GALNT13: variants seen among roughly 807,000 people sequenced by gnomAD.
GALNT13 encodes polypeptide N-acetylgalactosaminyltransferase 13.
A neutral mutation model predicts 64.2 loss-of-function variants in GALNT13; 28 were observed. The observed-to-expected ratio is 0.44, with a 90% confidence interval of 0.32 to 0.60. The LOEUF (loss-of-function observed/expected upper bound fraction) is 0.60. GALNT13 is among the 20% of genes least tolerant of loss of function. The pLI, the probability that GALNT13 is intolerant of heterozygous loss-of-function variation, is 0.05. For missense variants in GALNT13, 577 were observed against 669.8 expected (o/e 0.86, Z 1.53); for synonymous variants, 214 against 224.6 (o/e 0.95, Z 0.42).
intron 3 of GALNT13, among the ~76,000 whole-genome samples, chr2:154,027,412 A>G (rs1698048203): frequency 6.6e-6 from 1 of 152,186 alleles, no homozygotes; most frequent in African/African-American, 2.4e-5. Flanking sequence ...TTTTTAAAAA[A>G]TGATCCCTGA....
At chr2:154,093,857 A>G (rs1009023002) in intron 3 of GALNT13, among the ~76,000 whole-genome samples, 2 of 151,648 alleles carry the variant, frequency 1.3e-5, no homozygotes, top group Non-Finnish European at 2.9e-5. Flanking sequence ...TGCTCTAAGT[A>G]TATTCTCCCT....
chr2:154,174,761 A>G (rs1290988056), intron 4 of GALNT13, among the ~76,000 whole-genome samples: 2 of 152,186 alleles, frequency 1.3e-5, no homozygotes, highest in Admixed American at 6.5e-5. Context: ...TGAAAATTCA[A>G]ATCAACTACG....
chr2:153,167,859 AG>A, the GALNT13 span, among the ~76,000 whole-genome samples: 1 of 152,228 alleles, frequency 6.6e-6, no homozygotes, highest in Non-Finnish European at 1.5e-5. Flanking sequence ...TGTCCAGGAA[AG>A]GAACAAAGAG....
chr2:153,479,864 C>T, the GALNT13 span, among the ~76,000 whole-genome samples: 2 of 152,170 alleles, frequency 1.3e-5, no homozygotes, highest in African/African-American at 4.8e-5. Flanking sequence ...AGTTTCTTAA[C>T]TCTGAAAGAA....
the GALNT13 span, among the ~76,000 whole-genome samples, chr2:153,549,891 A>T: frequency 1.3e-5 from 2 of 152,270 alleles, no homozygotes; most frequent in South Asian, 4.1e-4. Context: ...TGTCTTCTTT[A>T]TATCCTCCTT....
the GALNT13 span, among the ~76,000 whole-genome samples, chr2:153,156,001 A>T: frequency 6.6e-6 from 1 of 152,300 alleles, no homozygotes; most frequent in East Asian, 1.9e-4. Flanking sequence ...CCCAAAAGTC[A>T]TTCAGGAGTA....
the GALNT13 span, among the ~76,000 whole-genome samples, chr2:153,825,633 T>C: frequency 6.6e-6 from 1 of 151,304 alleles, no homozygotes; most frequent in Non-Finnish European, 1.5e-5. Context: ...TGTGTGTGTG[T>C]GTGTGTGTGT....
the GALNT13 span, among the ~76,000 whole-genome samples, chr2:153,303,234 T>G: frequency 2.2e-4 from 33 of 152,248 alleles, no homozygotes; most frequent in African/African-American, 7.9e-4. Flanking sequence ...TGTTTTATAT[T>G]TTTTAGTGTA....
the GALNT13 span, among the ~76,000 whole-genome samples, chr2:153,307,251 G>A: frequency 3.3e-5 from 5 of 152,148 alleles, 1 homozygote; most frequent in East Asian, 7.7e-4. Flanking sequence ...GGTTAGCTCT[G>A]AAATTGTTAA....
chr2:154,295,856 T>G (rs1235562137), intron 8 of GALNT13, among the ~76,000 whole-genome samples: 1 of 152,098 alleles, frequency 6.6e-6, no homozygotes, highest in African/African-American at 2.4e-5. Flanking sequence ...CGGCAGGTCT[T>G]TTCTGATAAG....
chr2:153,703,947 T>C, the GALNT13 span, among the ~76,000 whole-genome samples: 7 of 152,122 alleles, frequency 4.6e-5, no homozygotes, highest in Non-Finnish European at 8.8e-5. Context: ...CCTTCCCAGA[T>C]GAAAATTTCT....
intron 1 of GALNT13, among the ~76,000 whole-genome samples, chr2:153,894,136 C>T (rs1422150800): frequency 6.6e-6 from 1 of 151,930 alleles, no homozygotes; most frequent in Non-Finnish European, 1.5e-5. Context: ...TGGCTGGTGA[C>T]TGCTTGGAAC....
intron 9 of GALNT13, among the ~76,000 whole-genome samples, chr2:154,315,241 G>T (rs1694257370): frequency 6.6e-6 from 1 of 151,996 alleles, no homozygotes. Flanking sequence ...TTCTTCCTCA[G>T]GATATTAATA....
the GALNT13 span, among the ~76,000 whole-genome samples, chr2:153,255,446 A>G: frequency 5.5e-5 from 8 of 145,554 alleles, no homozygotes; most frequent in Non-Finnish European, 1.2e-4. Context: ...GTGTCTTTTA[A>G]TTGGAGCATT....
At chr2:154,039,132 A>G (rs1422203113) in intron 3 of GALNT13, among the ~76,000 whole-genome samples, 1 of 152,130 alleles carries the variant, frequency 6.6e-6, no homozygotes, top group Admixed American at 6.6e-5. Context: ...GGATGCAGAG[A>G]AAAATGAAGT....
the GALNT13 span, among the ~76,000 whole-genome samples, chr2:153,640,169 T>G: frequency 1.3e-5 from 2 of 151,606 alleles, no homozygotes; most frequent in Non-Finnish European, 2.9e-5. Flanking sequence ...TGTCTCTATC[T>G]CTAGAAGATG....
chr2:153,658,881 A>C, the GALNT13 span, among the ~76,000 whole-genome samples: 4 of 152,116 alleles, frequency 2.6e-5, no homozygotes, highest in East Asian at 7.7e-4. Context: ...ATACTATGCA[A>C]GAAAAACACA....
the GALNT13 span, among the ~76,000 whole-genome samples, chr2:153,257,904 C>T: frequency 6.6e-6 from 1 of 152,108 alleles, no homozygotes; most frequent in African/African-American, 2.4e-5. Flanking sequence ...ACTTATACAG[C>T]CAATAAAAGA....
At chr2:153,110,320 T>A in the GALNT13 span, among the ~76,000 whole-genome samples, 1 of 152,146 alleles carries the variant, frequency 6.6e-6, no homozygotes, top group East Asian at 1.9e-4. Context: ...GATCTAAGTA[T>A]AGATCTATTT....
Sources: allele counts gnomAD v4.1 joint callset (sites outside exome capture counted in the v4.1 genomes callset), GRCh38; gene constraint gnomAD v4.1.1; transcripts MANE v1.5; gene names NCBI Gene and HGNC (gene_info 2026-07-23, HGNC 2026-07-21).